The following FBXO10 variants were observed in gnomAD, a reference collection of about 807,000 sequenced individuals.
FBXO10 encodes the protein F-box protein 10, also known as F-box only protein 10.
Under a neutral mutation model 80.7 loss-of-function variants are expected in FBXO10, and 39 were observed. The observed-to-expected ratio is 0.48, with a 90% CI of 0.37 to 0.63. The LOEUF (loss-of-function observed/expected upper bound fraction) is 0.63. Among genes scored for constraint, FBXO10 ranks in the 30% least tolerant of loss-of-function variants. The pLI, the probability that FBXO10 is intolerant of heterozygous loss-of-function variation, is 0.00. For missense variants in FBXO10, 1,025 were observed against 1,269.0 expected (o/e 0.81, Z 2.92); for synonymous variants, 449 against 489.6 (o/e 0.92, Z 1.09).
At position 37,516,036 on chromosome 9, in the gene FBXO10, C is replaced by G. The variant is rs569336061; in HGVS notation, c.2564G>C (p.Arg855Pro). The G allele has an allele frequency of 6.2e-7, 1 of 1,613,968 alleles. No homozygotes were observed. The highest frequency in any genetic ancestry group is 8.5e-7 in the Non-Finnish European group (1 of 1,179,882). Residue 855 changes from arginine (R) to proline (P), a missense_variant, in exon 10 of 11, where the codon CGG becomes CCG. By Grantham distance (103) the Arg-to-Pro change is moderately radical. Transcript: ENST00000432825. ...CTGCACCAGGGCCTTGGCACGGCCC[C>G]GCACGGCGATGCCGTAGGCCCGGAA... Reference protein sequence around the residue: ...HSFRAYGIAVRGRAKALVQEN... With the variant: ...HSFRAYGIAVPGRAKALVQEN...
intron 1 of FBXO10, among the ~76,000 whole-genome samples, chr9:37,569,806 A>G (rs1485945359): frequency 1.3e-5 from 2 of 152,182 alleles, no homozygotes; most frequent in Admixed American, 1.3e-4. Flanking sequence ...CTGTACTCCA[A>G]TGTGGGAGAC....
Position 37,512,543 on chromosome 9 carries a change from G to A in FBXO10, c.*4C>T, listed in dbSNP as rs1351279119. ...AGGCTTGGCCCTGAAGCAGGTCTGT[G>A]TCCTCACAGGATGGTGCAGAAGACA... On this transcript the variant is annotated 3_prime_UTR_variant, in exon 11 of 11. Coordinates refer to ENST00000432825, the MANE Select transcript of FBXO10 (RefSeq NM_012166.3). 6.2e-7 allele frequency: 1 copy of A among 1,612,172 alleles called. No homozygotes were observed. Among genetic ancestry groups the A allele is most frequent in the South Asian group, 1.1e-5 (1 of 90,954 alleles).
intron 1 of FBXO10, among the ~76,000 whole-genome samples, chr9:37,550,716 T>C (rs1822178677): frequency 1.3e-5 from 2 of 152,178 alleles, no homozygotes; most frequent in South Asian, 4.1e-4. Flanking sequence ...TGGCCTCAAG[T>C]GATCCACCTA....
intron 5 of FBXO10, among the ~76,000 whole-genome samples, chr9:37,527,884 G>C (rs1385523257): frequency 6.6e-6 from 1 of 152,156 alleles, no homozygotes; most frequent in Non-Finnish European, 1.5e-5. Flanking sequence ...TAAGCTGTCT[G>C]TAACAGTGAA....
chr9:37,515,793 G>C (rs1356472595), intron 10 of FBXO10, 111 bp downstream of exon 10: 1 of 1,150,644 alleles, frequency 8.7e-7, no homozygotes, highest in African/African-American at 1.6e-5. Flanking sequence ...GTCGACAGCT[G>C]GCAGGGTTGC....
At chr9:37,527,456 C>T (rs1379408074) in intron 5 of FBXO10, among the ~76,000 whole-genome samples, 1 of 152,216 alleles carries the variant, frequency 6.6e-6, no homozygotes, top group Non-Finnish European at 1.5e-5. Flanking sequence ...CCACATTTCT[C>T]ACCATTTTCT....
At chr9:37,568,074 T>G (rs1822654252) in intron 1 of FBXO10, among the ~76,000 whole-genome samples, 1 of 151,996 alleles carries the variant, frequency 6.6e-6, no homozygotes. Flanking sequence ...CTGCAAGAGA[T>G]CAAAGGGCCA....
intron 1 of FBXO10, among the ~76,000 whole-genome samples, chr9:37,557,853 G>A (rs1017175520): frequency 6.6e-6 from 1 of 152,114 alleles, no homozygotes; most frequent in Non-Finnish European, 1.5e-5. Context: ...AAAACCACCA[G>A]AAGGACATCA....
chr9:37,558,600 T>C (rs921403729), intron 1 of FBXO10, among the ~76,000 whole-genome samples: 1 of 152,142 alleles, frequency 6.6e-6, no homozygotes, highest in Non-Finnish European at 1.5e-5. Context: ...CCATCCAATA[T>C]GCAGCACAAA....
chr9:37,521,950 G>A, intron 7 of FBXO10, 112 bp from the exon 8 acceptor site: 1 of 1,260,850 alleles, frequency 7.9e-7, no homozygotes, highest in South Asian at 1.7e-5. Context: ...TCCCTGCCTT[G>A]CTAATGACCT....
At chr9:37,514,374 G>C (rs1442849307) in intron 10 of FBXO10, among the ~76,000 whole-genome samples, 1 of 152,126 alleles carries the variant, frequency 6.6e-6, no homozygotes, top group Admixed American at 6.5e-5. Context: ...GGTCTCCAAA[G>C]GGAAGGAGGA....
intron 8 of FBXO10, among the ~76,000 whole-genome samples, chr9:37,520,910 G>A (rs978819207): frequency 5.9e-5 from 9 of 152,174 alleles, no homozygotes; most frequent in African/African-American, 2.2e-4. Context: ...GCCTATCAGT[G>A]TTGATGAAAC....
At chr9:37,572,975 T>A (rs990009114) in intron 1 of FBXO10, among the ~76,000 whole-genome samples, 1 of 152,170 alleles carries the variant, frequency 6.6e-6, no homozygotes, top group Non-Finnish European at 1.5e-5. Context: ...GCCAAGTAAA[T>A]TTTCCAGAAT....
chr9:37,537,088 C>CA (rs771643515), intron 3 of FBXO10, 22 bp downstream of exon 3: 4 of 1,563,312 alleles, frequency 2.6e-6, no homozygotes, highest in Non-Finnish European at 3.5e-6. Context: ...GCCCCCTGAC[C>CA]AATCTAAAGT....
At chr9:37,519,428 G>C (rs1451214353) in intron 8 of FBXO10, among the ~76,000 whole-genome samples, 4 of 150,758 alleles carry the variant, frequency 2.7e-5, no homozygotes, top group African/African-American at 7.3e-5. Flanking sequence ...AGCCAGACCC[G>C]GGGGCGAGGA....
intron 9 of FBXO10, among the ~76,000 whole-genome samples, 188 bp from the exon 10 acceptor site, chr9:37,516,273 AGG>A (rs1226644616): frequency 6.6e-6 from 1 of 152,196 alleles, no homozygotes; most frequent in Non-Finnish European, 1.5e-5. Context: ...TTCCTGGAAG[AGG>A]TGATAGGTGA....
chr9:37,572,959 G>T (rs753117107), intron 1 of FBXO10, among the ~76,000 whole-genome samples: 8 of 152,140 alleles, frequency 5.3e-5, no homozygotes, highest in Non-Finnish European at 1.2e-4. Context: ...CCCTAACAGG[G>T]TACATGCCAA....
intron 1 of FBXO10, among the ~76,000 whole-genome samples, chr9:37,546,657 T>C (rs2119142940): frequency 6.6e-6 from 1 of 151,882 alleles, no homozygotes; most frequent in Middle Eastern, 3.4e-3. Flanking sequence ...AAAACAAAGT[T>C]GGCAAAAGAC....
chr9:37,513,782 G>C (rs1006529374), intron 10 of FBXO10, among the ~76,000 whole-genome samples: 18 of 152,054 alleles, frequency 1.2e-4, no homozygotes, highest in African/African-American at 4.1e-4. Context: ...TAGAGATGGG[G>C]TTTCACCATG....
Sources: allele counts gnomAD v4.1 joint callset (sites outside exome capture counted in the v4.1 genomes callset), GRCh38; gene constraint gnomAD v4.1.1; transcripts MANE v1.5; gene names NCBI Gene and HGNC (gene_info 2026-07-23, HGNC 2026-07-21).